Variants in SNTG1 observed in about 807,000 individuals in gnomAD.
The protein encoded by SNTG1 is gamma-1-syntrophin.
In SNTG1, 39 loss-of-function variants were observed where a neutral mutation model predicts 74.7. The ratio of observed to expected loss-of-function variants is 0.52; its 90% CI spans 0.40 to 0.68. The LOEUF (loss-of-function observed/expected upper bound fraction) is 0.68, where lower values mean the gene tolerates loss of function less well. Ranked by LOEUF, SNTG1 falls within the 30% of genes least tolerant of loss-of-function variation. The pLI is 0.00. For missense variants in SNTG1, 685 were observed against 609.5 expected (o/e 1.12, Z -1.30); for synonymous variants, 254 against 217.1 (o/e 1.17, Z -1.49).
intron 1 of SNTG1, among the ~76,000 whole-genome samples, chr8:50,044,984 T>A (rs1371920405): frequency 6.6e-6 from 1 of 152,182 alleles, no homozygotes; most frequent in Admixed American, 6.5e-5. Flanking sequence ...AGATGATAGC[T>A]AGATAGATAA....
intron 15 of SNTG1, among the ~76,000 whole-genome samples, chr8:50,676,496 C>A (rs1421294137): frequency 6.6e-6 from 1 of 151,978 alleles, no homozygotes; most frequent in Non-Finnish European, 1.5e-5. Flanking sequence ...GTATGTTCTT[C>A]TCTAAACTGG....
intron 1 of SNTG1, among the ~76,000 whole-genome samples, chr8:50,093,549 AG>A (rs1166951161): frequency 6.6e-6 from 1 of 152,110 alleles, no homozygotes; most frequent in African/African-American, 2.4e-5. Context: ...ATTTCATTTT[AG>A]GGCTGGACTA....
intron 8 of SNTG1, 135 bp from the exon 9 acceptor site, chr8:50,502,643 C>T: frequency 1.5e-6 from 1 of 659,738 alleles, no homozygotes; most frequent in East Asian, 2.8e-5. Context: ...TTAGCTCCCT[C>T]TATCTTTTAT....
intron 15 of SNTG1, among the ~76,000 whole-genome samples, chr8:50,702,077 C>T (rs906623213): frequency 8.5e-3 from 1 of 118 alleles, no homozygotes; most frequent in Admixed American, 0.036. Context: ...TCTGGAACTC[C>T]CCAACCTCAA....
intron 17 of SNTG1, among the ~76,000 whole-genome samples, chr8:50,734,742 C>CAT (rs1295976280): frequency 1.2e-5 from 1 of 84,100 alleles, no homozygotes; most frequent in Non-Finnish European, 2.2e-5. Flanking sequence ...TATATATGGA[C>CAT]ATGTATATAG....
In SNTG1 at chr8:50,559,475, A is replaced by G. The variant is rs960044780; in HGVS notation, c.810+6296A>G. On this transcript the variant is annotated intron_variant, in intron 12 of 18. Coordinates refer to ENST00000642720, the MANE Select transcript of SNTG1 (RefSeq NM_018967.5). Reference sequence around the variant, plus strand: ...AAAATAAAAAAAGAAAGCAAACTAGAGCAGGTTGAACAAATAGTAAGCATA... The same window carrying G: ...AAAATAAAAAAAGAAAGCAAACTAGGGCAGGTTGAACAAATAGTAAGCATA... Among the ~76,000 whole-genome samples the G allele has an allele frequency of 2.0e-5, 3 of 152,174 alleles. No homozygotes were observed. In the East Asian group the frequency reaches 5.8e-4, roughly 29 times the overall value.
intron 15 of SNTG1, among the ~76,000 whole-genome samples, chr8:50,665,104 C>A (rs1172611445): frequency 6.6e-6 from 1 of 151,970 alleles, no homozygotes; most frequent in African/African-American, 2.4e-5. Flanking sequence ...ATAAAATATA[C>A]ATAGTGAGCA....
intron 1 of SNTG1, among the ~76,000 whole-genome samples, chr8:50,049,114 A>G (rs1360823271): frequency 6.6e-6 from 1 of 152,052 alleles, no homozygotes; most frequent in African/African-American, 2.4e-5. Flanking sequence ...AGAAAAATGG[A>G]AAAGAGCCAT....
intron 2 of SNTG1, among the ~76,000 whole-genome samples, chr8:50,229,628 G>A (rs546564376): frequency 6.7e-6 from 1 of 149,362 alleles, no homozygotes; most frequent in Non-Finnish European, 1.5e-5. Flanking sequence ...ATATGCAAAT[G>A]TAAGAGTGTA....
intron 15 of SNTG1, among the ~76,000 whole-genome samples, chr8:50,698,792 T>C (rs137875901): frequency 1.1e-4 from 17 of 152,180 alleles, no homozygotes; most frequent in African/African-American, 3.9e-4. Flanking sequence ...CCAAGGTAGA[T>C]CTAGGGCTTA....
chr8:50,509,881 C>T (rs1478811869), intron 9 of SNTG1, among the ~76,000 whole-genome samples: 2 of 152,140 alleles, frequency 1.3e-5, no homozygotes, highest in South Asian at 2.1e-4. Flanking sequence ...ATTTGACTTC[C>T]TCTTTTCCTA....
intron 9 of SNTG1, among the ~76,000 whole-genome samples, chr8:50,507,479 TTTA>T (rs1276086388): frequency 1.3e-5 from 2 of 152,096 alleles, no homozygotes; most frequent in African/African-American, 4.8e-5. Flanking sequence ...TTGTGAGGAA[TTTA>T]TTAATGATTC....
At chr8:50,062,245 C>T (rs563891767) in intron 1 of SNTG1, among the ~76,000 whole-genome samples, 1 of 152,178 alleles carries the variant, frequency 6.6e-6, no homozygotes, top group African/African-American at 2.4e-5. Context: ...CAAGGTTTCG[C>T]CATGTTGGCC....
At chr8:50,059,317 GT>G (rs949719333) in intron 1 of SNTG1, among the ~76,000 whole-genome samples, 11 of 152,022 alleles carry the variant, frequency 7.2e-5, no homozygotes, top group African/African-American at 2.4e-4. Flanking sequence ...GGTCAATTTT[GT>G]TGTTGTTTTA....
chr8:50,617,810 C>CTATA, intron 13 of SNTG1, among the ~76,000 whole-genome samples: 1 of 152,330 alleles, frequency 6.6e-6, no homozygotes, highest in East Asian at 1.9e-4. Flanking sequence ...CTTTTCTATA[C>CTATA]AATGTCTGTA....
chr8:50,473,474 G>A (rs746402549), intron 8 of SNTG1, among the ~76,000 whole-genome samples: 2 of 152,162 alleles, frequency 1.3e-5, no homozygotes, highest in Non-Finnish European at 2.9e-5. Flanking sequence ...TGGTGGAAAT[G>A]TAAAATGGTA....
At chr8:50,251,971 A>T (rs185679318) in intron 2 of SNTG1, among the ~76,000 whole-genome samples, 1 of 152,292 alleles carries the variant, frequency 6.6e-6, no homozygotes, top group Non-Finnish European at 1.5e-5. Flanking sequence ...CCACAAAACA[A>T]GTCTAAACAG....
At chr8:50,565,551 A>C (rs1046041377) in intron 12 of SNTG1, among the ~76,000 whole-genome samples, 2 of 152,056 alleles carry the variant, frequency 1.3e-5, no homozygotes, top group Admixed American at 6.6e-5. Context: ...GGTATTAACA[A>C]ACTTGTGAGA....
At position 50,704,692 on chromosome 8, in the gene SNTG1, C is replaced by A. The variant is rs1459148649; in HGVS notation, c.1131C>A (p.Asp377Glu). 1.2e-6 allele frequency: 2 copies of A among 1,613,976 alleles called. No individual in the cohort carries two copies. Among genetic ancestry groups the A allele is most frequent in the African/African-American group, 2.7e-5 (2 of 74,896 alleles). Residue 377 changes from aspartate (D) to glutamate (E), a missense_variant, in exon 16 of 19, where the codon GAC becomes GAA. Asp to Glu is a conservative substitution (Grantham distance 45). Coordinates refer to ENST00000642720, the MANE Select transcript of SNTG1 (RefSeq NM_018967.5). ...DLYFSVELES[D>E]LAQWERAFQT... ...ACTTCTCAGTGGAGCTGGAAAGTGA[C>A]CTCGCCCAGTGGGAAAGAGCCTTCC...
Sources: allele counts gnomAD v4.1 joint callset (sites outside exome capture counted in the v4.1 genomes callset), GRCh38; gene constraint gnomAD v4.1.1; transcripts MANE v1.5; gene names NCBI Gene and HGNC (gene_info 2026-07-23, HGNC 2026-07-21).